Variants in ITPR2 observed in about 807,000 individuals in gnomAD.
The protein encoded by ITPR2 is inositol 1,4,5-trisphosphate-gated calcium channel ITPR2.
Under a neutral mutation model 317.1 loss-of-function variants are expected in ITPR2, and 207 were observed. The observed-to-expected ratio is 0.65, with a 90% confidence interval of 0.58 to 0.73. ITPR2 has a LOEUF of 0.73. ITPR2 is among the 30% of genes least tolerant of loss of function. The probability of loss-of-function intolerance (pLI) is 0.00; values close to 1 mark genes in which losing one functional copy is unlikely to be tolerated. For missense variants in ITPR2, 2,613 were observed against 3,284.0 expected, an observed-to-expected ratio of 0.80 and a Z score of 4.99; for synonymous variants, 1,156 against 1,149.1, an observed-to-expected ratio of 1.01 and a Z score of -0.12.
intron 37 of ITPR2, among the ~76,000 whole-genome samples, chr12:26,541,163 AAAAAT>A (rs1944248404): frequency 6.6e-6 from 1 of 151,266 alleles, no homozygotes; most frequent in African/African-American, 2.4e-5. Flanking sequence ...AAAAAAAAAA[AAAAAT>A]TAGCTGGACA....
chr12:26,450,863 G>A (rs1360025846), intron 45 of ITPR2, among the ~76,000 whole-genome samples: 1 of 152,076 alleles, frequency 6.6e-6, no homozygotes, highest in Non-Finnish European at 1.5e-5. Context: ...AAGTCAGGAG[G>A]GAAAATGGGA....
chr12:26,643,530 G>GAGTATTCTTAA (rs1336002857), intron 21 of ITPR2, among the ~76,000 whole-genome samples: 1 of 152,222 alleles, frequency 6.6e-6, no homozygotes, highest in Non-Finnish European at 1.5e-5. Context: ...AATTCTCTAA[G>GAGTATTCTTAA]AGTATTCTTA....
In ITPR2 at chr12:26,400,278, TATATGATATAA is replaced by T. The variant is rs774223636; in HGVS notation, c.7400-31_7400-21del. 1.5e-5 allele frequency: 22 copies of T among 1,425,238 alleles called. No individual in the cohort carries two copies. In the African/African-American group the frequency reaches 3.1e-4, roughly 20 times the overall value. 88.3% of individuals were successfully genotyped at this position (1,425,238 alleles called of 1,614,324 possible). ...CATCAGCTATAAAAACACATACAAA[TATATGATATAA>T]AATTATGTAAAAATATATAAAATAA... On this transcript the variant is annotated intron_variant, in intron 52 of 56. Coordinates refer to ENST00000381340, the MANE Select transcript of ITPR2 (RefSeq NM_002223.4).
intron 39 of ITPR2, among the ~76,000 whole-genome samples, chr12:26,488,766 A>G (rs942309188): frequency 2.0e-5 from 3 of 152,224 alleles, no homozygotes; most frequent in Non-Finnish European, 4.4e-5. Flanking sequence ...AGTTTCCAGT[A>G]TATTAATGAG....
chr12:26,553,487 C>T (rs1944580599), intron 36 of ITPR2, among the ~76,000 whole-genome samples: 1 of 152,134 alleles, frequency 6.6e-6, no homozygotes, highest in Admixed American at 6.5e-5. Flanking sequence ...GTATGCACAG[C>T]AATACAAGAC....
At chr12:26,671,137 C>G (rs1025594517) in intron 13 of ITPR2, among the ~76,000 whole-genome samples, 1 of 152,116 alleles carries the variant, frequency 6.6e-6, no homozygotes, top group Non-Finnish European at 1.5e-5. Flanking sequence ...AGGATATTAT[C>G]CAGGAGAACT....
chr12:26,434,261 T>C (rs1941294190), intron 48 of ITPR2, among the ~76,000 whole-genome samples: 1 of 152,200 alleles, frequency 6.6e-6, no homozygotes, highest in African/African-American at 2.4e-5. Context: ...AAGGATATTC[T>C]TCCTCCATAA....
At chr12:26,727,953 G>A (rs985116801) in intron 2 of ITPR2, among the ~76,000 whole-genome samples, 7 of 152,110 alleles carry the variant, frequency 4.6e-5, no homozygotes, top group East Asian at 1.9e-4. Context: ...GCCACTGGCT[G>A]GTATGAAGGC....
chr12:26,430,689 C>T (rs1592016947), intron 48 of ITPR2, among the ~76,000 whole-genome samples: 1 of 152,080 alleles, frequency 6.6e-6, no homozygotes, highest in South Asian at 2.1e-4. Context: ...TTTAATAATA[C>T]AAAAAGTTTT....
Position 26,509,682 on chromosome 12 carries a change from CAA to C in ITPR2, c.5074-14424_5074-14423del, listed in dbSNP as rs564825817. On this transcript the variant is annotated intron_variant, in intron 37 of 56. Transcript: ENST00000381340. ...GAAATTGTATGTGTCAATTAGGAGCCAATTTCCTTTTAAAACTGTCTAATGTT... is the reference window on the plus strand; with the variant it reads ...GAAATTGTATGTGTCAATTAGGAGCCTTTCCTTTTAAAACTGTCTAATGTT... Among the ~76,000 whole-genome samples the C allele has an allele frequency of 8.9e-4, 136 of 152,120 alleles. No individual in the cohort carries two copies. In the East Asian group the frequency reaches 0.022, roughly 24 times the overall value.
intron 2 of ITPR2, among the ~76,000 whole-genome samples, chr12:26,733,625 C>A (rs1949064121): frequency 6.6e-6 from 1 of 152,128 alleles, no homozygotes; most frequent in South Asian, 2.1e-4. Flanking sequence ...TAGGTAAACA[C>A]TCAAGAACAA....
rs1951107681 is a variant in ITPR2, at chr12:26,831,747, C to CATAAAATATATATATATTA, written c.92+942_92+943insTAATATATATATATTTTAT. On this transcript the variant is annotated intron_variant, in intron 1 of 56. Transcript: ENST00000381340. This position sits in a 1 kb window ranked among gnomAD's most constrained non-coding sequence, Gnocchi z 4.9. ...TACATAAAATATATAAATATATATT[C>CATAAAATATATATATATTA]TACATAAAATATATAAATATATATT... Among the ~76,000 whole-genome samples, 1 of 102,868 alleles carries CATAAAATATATATATATTA rather than the reference C, an allele frequency of 9.7e-6. No homozygotes were observed. Among genetic ancestry groups the CATAAAATATATATATATTA allele is most frequent in the Admixed American group, 1.0e-4 (1 of 9,648 alleles). 67.5% of individuals were successfully genotyped at this position (102,868 alleles called of 152,430 possible).
intron 47 of ITPR2, 26 bp from the exon 48 acceptor site, chr12:26,436,372 C>G: frequency 6.3e-7 from 1 of 1,592,948 alleles, no homozygotes; most frequent in Non-Finnish European, 8.5e-7. Context: ...TGTAAAGGAA[C>G]TGAACAGGAA....
intron 2 of ITPR2, among the ~76,000 whole-genome samples, chr12:26,728,292 G>A (rs1472281534): frequency 2.0e-5 from 3 of 152,054 alleles, no homozygotes; most frequent in Non-Finnish European, 4.4e-5. Flanking sequence ...CTTAATAATC[G>A]ACTAGATGTG....
rs186341315 is a variant in ITPR2 at position 26,546,685 on chromosome 12, C to T, written c.5073+3562G>A. Among the ~76,000 whole-genome samples, 35 of 151,834 alleles carry T rather than the reference C, an allele frequency of 2.3e-4. 1 individual carries two copies. Among genetic ancestry groups the T allele is most frequent in the Admixed American group, 9.2e-4 (14 of 15,240 alleles). ...CTACACTACACTAACCAAAGCAGCA[C>T]GGTATTGGTATAAAAATAGACACAC... is the stretch of plus-strand genomic sequence containing the variant. On this transcript the variant is annotated intron_variant, in intron 37 of 56. Coordinates refer to ENST00000381340, the MANE Select transcript of ITPR2 (RefSeq NM_002223.4).
At chr12:26,360,551 G>A (rs887015864) in intron 55 of ITPR2, among the ~76,000 whole-genome samples, 1 of 152,178 alleles carries the variant, frequency 6.6e-6, no homozygotes, top group African/African-American at 2.4e-5. Flanking sequence ...TCCACATACT[G>A]CCAGTGAATA....
At chr12:26,764,469 T>A (rs1396695592) in intron 2 of ITPR2, among the ~76,000 whole-genome samples, 1 of 152,084 alleles carries the variant, frequency 6.6e-6, no homozygotes, top group Non-Finnish European at 1.5e-5. Context: ...AAAGGCTATG[T>A]CTTTGTATAT....
intron 13 of ITPR2, among the ~76,000 whole-genome samples, chr12:26,669,830 G>A (rs917095733): frequency 2.6e-5 from 4 of 152,220 alleles, no homozygotes; most frequent in South Asian, 2.1e-4. Context: ...CTGGAAAATC[G>A]GGTCACTCCC....
At chr12:26,438,267 T>C (rs1592023802) in intron 47 of ITPR2, among the ~76,000 whole-genome samples, 1 of 152,196 alleles carries the variant, frequency 6.6e-6, no homozygotes, top group South Asian at 2.1e-4. Context: ...TGAAAATGCA[T>C]ACCACACCCC....
Sources: allele counts gnomAD v4.1 joint callset (sites outside exome capture counted in the v4.1 genomes callset), GRCh38; gene constraint gnomAD v4.1.1; non-coding constraint Gnocchi (gnomAD v3.1); transcripts MANE v1.5; gene names NCBI Gene and HGNC (gene_info 2026-07-23, HGNC 2026-07-21).